Variants in DLG2 observed in about 807,000 individuals in gnomAD.
The protein encoded by DLG2 is discs large MAGUK scaffold protein 2, also known as disks large homolog 2.
In DLG2, 45 loss-of-function variants were observed where a neutral mutation model predicts 132.5. The observed-to-expected ratio is 0.34, with a 90% CI of 0.27 to 0.44. The LOEUF (loss-of-function observed/expected upper bound fraction) is 0.44, where lower values mean the gene tolerates loss of function less well. DLG2 is among the 20% of genes least tolerant of loss of function. The pLI, the probability that DLG2 is intolerant of heterozygous loss-of-function variation, is 1.00. For missense variants in DLG2, 1,045 were observed against 1,196.9 expected (o/e 0.87, Z 1.87); for synonymous variants, 424 against 419.6 (o/e 1.01, Z -0.13).
intron 6 of DLG2, among the ~76,000 whole-genome samples, chr11:84,788,874 C>T (rs923800246): frequency 2.0e-5 from 3 of 152,098 alleles, no homozygotes; most frequent in African/African-American, 7.2e-5. Flanking sequence ...ATATTATGGT[C>T]CTTTTCCAGC....
chr11:84,206,442 G>T (rs900343562), intron 8 of DLG2, among the ~76,000 whole-genome samples: 3 of 151,948 alleles, frequency 2.0e-5, no homozygotes, highest in Non-Finnish European at 4.4e-5. Context: ...AACACAATGA[G>T]AAAAGCAAAA....
intron 2 of DLG2, among the ~76,000 whole-genome samples, chr11:85,619,065 CA>C (rs2081529685): frequency 6.6e-6 from 1 of 152,206 alleles, no homozygotes; most frequent in Non-Finnish European, 1.5e-5. Context: ...TAGTTAAACA[CA>C]AAAAGTATTC....
chr11:83,696,472 T>C (rs1382138195), intron 18 of DLG2, among the ~76,000 whole-genome samples: 1 of 152,118 alleles, frequency 6.6e-6, no homozygotes, highest in African/African-American at 2.4e-5. Flanking sequence ...AGTCAGTCAG[T>C]AAAGGCACTC....
chr11:83,462,090 C>T lies in DLG2; in HGVS notation c.2733G>A (p.Glu911=). Residue 911 remains glutamate (E), a synonymous_variant, in exon 27 of 28, where the codon GAG becomes GAA. Transcript: ENST00000376104. The stretch of plus-strand genomic sequence containing the variant: ...GTTCCTCTGTTAGACGCTTATTCAT[C>T]TCCCTGGGAAAATGAGGGTTTGTAT... ...IKPRSLEPLM[E]MNKRLTEEQA... 6.2e-7 allele frequency: 1 copy of T among 1,605,646 alleles called. No individual in the cohort carries two copies. Among genetic ancestry groups the T allele is most frequent in the Non-Finnish European group, 8.5e-7 (1 of 1,172,378 alleles).
chr11:84,969,694 T>G (rs765465219), intron 6 of DLG2, among the ~76,000 whole-genome samples: 4 of 152,162 alleles, frequency 2.6e-5, no homozygotes, highest in Non-Finnish European at 4.4e-5. Context: ...CAGATTCAGA[T>G]GTACCAACAA....
intron 11 of DLG2, among the ~76,000 whole-genome samples, chr11:84,011,311 A>G (rs2094878968): frequency 1.3e-5 from 2 of 151,952 alleles, no homozygotes; most frequent in African/African-American, 4.8e-5. Context: ...CTCTATAAAA[A>G]AATACAAAAA....
At chr11:83,883,944 T>A (rs2154077752) in intron 15 of DLG2, among the ~76,000 whole-genome samples, 1 of 152,252 alleles carries the variant, frequency 6.6e-6, no homozygotes, top group Non-Finnish European at 1.5e-5. Context: ...TAGTTAGAAA[T>A]TTTATAGAGC....
chr11:85,055,134 T>C (rs2154155915), intron 6 of DLG2, among the ~76,000 whole-genome samples: 1 of 152,248 alleles, frequency 6.6e-6, no homozygotes, highest in Middle Eastern at 3.4e-3. Context: ...TTCAGACAAA[T>C]TTGTCAAATA....
At chr11:84,759,643 GT>G (rs1366248812) in intron 6 of DLG2, among the ~76,000 whole-genome samples, 1 of 152,116 alleles carries the variant, frequency 6.6e-6, no homozygotes, top group Non-Finnish European at 1.5e-5. Context: ...TGAAATAAAA[GT>G]TTGTTTACAC....
At chr11:84,572,793 A>G (rs1051839837) in intron 6 of DLG2, among the ~76,000 whole-genome samples, 1 of 152,160 alleles carries the variant, frequency 6.6e-6, no homozygotes. Context: ...CTTTGTAAAA[A>G]TAAATTCCCC....
intron 27 of DLG2, 88 bp from the exon 28 acceptor site, chr11:83,460,012 C>G (rs2089582264): frequency 1.5e-6 from 1 of 668,534 alleles, no homozygotes; most frequent in African/African-American, 1.8e-5. Flanking sequence ...AGGCTCAAAT[C>G]AGTAGCAGAT....
At chr11:85,048,217 T>C (rs1166671693) in intron 6 of DLG2, among the ~76,000 whole-genome samples, 1 of 151,998 alleles carries the variant, frequency 6.6e-6, no homozygotes, top group African/African-American at 2.4e-5. Context: ...GATTAATGAA[T>C]GTTAACAAGA....
chr11:84,893,592 T>G (rs1434783574), intron 6 of DLG2, among the ~76,000 whole-genome samples: 1 of 152,184 alleles, frequency 6.6e-6, no homozygotes, highest in Non-Finnish European at 1.5e-5. Context: ...GAGTCTCACT[T>G]TGAACGTGGA....
intron 6 of DLG2, among the ~76,000 whole-genome samples, chr11:84,884,385 T>C (rs1397116467): frequency 1.3e-5 from 2 of 152,088 alleles, no homozygotes; most frequent in African/African-American, 4.8e-5. Flanking sequence ...TTCTGATTTA[T>C]AAATAGAAGG....
intron 3 of DLG2, among the ~76,000 whole-genome samples, chr11:85,519,775 G>C (rs1210985974): frequency 7.2e-5 from 11 of 152,110 alleles, no homozygotes; most frequent in Admixed American, 7.2e-4. Flanking sequence ...GGCCTGGTGG[G>C]AGGTAATTTA....
chr11:83,561,234 A>G (rs566541499), intron 19 of DLG2, among the ~76,000 whole-genome samples: 2 of 152,194 alleles, frequency 1.3e-5, no homozygotes, highest in Non-Finnish European at 2.9e-5. Context: ...ATTCAACATG[A>G]GATTTGGGTG....
chr11:84,368,619 G>A (rs887189653), intron 7 of DLG2, among the ~76,000 whole-genome samples: 12 of 152,050 alleles, frequency 7.9e-5, no homozygotes, highest in Non-Finnish European at 1.6e-4. Flanking sequence ...GATGCATCCT[G>A]GTTGTATTTA....
At chr11:85,456,083 C>G (rs73491970) in intron 3 of DLG2, among the ~76,000 whole-genome samples, 185 of 152,184 alleles carry the variant, frequency 1.2e-3, no homozygotes, top group African/African-American at 4.3e-3. Context: ...TAGTTGAATT[C>G]AACTGTGAAT....
intron 3 of DLG2, among the ~76,000 whole-genome samples, chr11:85,406,281 G>T (rs187882526): frequency 2.6e-5 from 4 of 150,948 alleles, no homozygotes; most frequent in African/African-American, 9.7e-5. Context: ...AAAAAAAAAA[G>T]AAGGAAAAAA....
Sources: allele counts gnomAD v4.1 joint callset (sites outside exome capture counted in the v4.1 genomes callset), GRCh38; gene constraint gnomAD v4.1.1; transcripts MANE v1.5; gene names NCBI Gene and HGNC (gene_info 2026-07-23, HGNC 2026-07-21).